RBM20: variants seen among roughly 807,000 people sequenced by gnomAD.
RBM20 encodes RNA binding motif protein 20.
RBM20 carries 51 observed loss-of-function variants against 110.1 expected under a neutral mutation model. The observed-to-expected ratio is 0.46, with a 90% CI of 0.37 to 0.59. The LOEUF (loss-of-function observed/expected upper bound fraction) is 0.59, where lower values mean the gene tolerates loss of function less well. Ranked by LOEUF, RBM20 falls within the 20% of genes least tolerant of loss-of-function variation. RBM20 has a pLI of 0.00. For missense variants in RBM20, 1,512 were observed against 1,574.9 expected (o/e 0.96, Z 0.68); for synonymous variants, 589 against 618.2 (o/e 0.95, Z 0.70).
At position 110,680,117 on chromosome 10, in the gene RBM20, G is replaced by A. The variant is rs185803601; in HGVS notation, c.191+35472G>A. ...GTGAGTGGTGGCATTAGAGCCGGGA[G>A]CCGGGCACCTGTTGTCATGCAGGCT... On this transcript the variant is annotated intron_variant, in intron 1 of 13. Transcript: ENST00000369519. Among the ~76,000 whole-genome samples, 49 of 152,274 alleles carry A rather than the reference G, an allele frequency of 3.2e-4. 1 individual carries two copies. Among genetic ancestry groups the A allele is most frequent in the African/African-American group, 8.9e-4 (37 of 41,562 alleles).
At chr10:110,656,466 ATG>A (rs35325396) in intron 1 of RBM20, among the ~76,000 whole-genome samples, 25,406 of 147,898 alleles carry the variant, frequency 0.17, 3,453 homozygotes, top group African/African-American at 0.34. Context: ...GTATGTACTC[ATG>A]TGTGTGTGTG....
At chr10:110,655,749 A>G (rs1301109357) in intron 1 of RBM20, among the ~76,000 whole-genome samples, 2 of 152,238 alleles carry the variant, frequency 1.3e-5, no homozygotes, top group African/African-American at 4.8e-5. Flanking sequence ...ACTGAACAGA[A>G]TCCATAAACT....
At chr10:110,690,678 C>T (rs146024464) in intron 1 of RBM20, among the ~76,000 whole-genome samples, 212 of 152,256 alleles carry the variant, frequency 1.4e-3, no homozygotes, top group African/African-American at 4.7e-3. Flanking sequence ...CATTTAGCAT[C>T]GTGTTTTCAA....
At chr10:110,730,429 C>G (rs1232541056) in intron 1 of RBM20, among the ~76,000 whole-genome samples, 3 of 152,226 alleles carry the variant, frequency 2.0e-5, no homozygotes, top group African/African-American at 7.2e-5. Context: ...TGCCCCTCCC[C>G]CTTTCACAGG....
chr10:110,761,759 C>T (rs779814212), intron 1 of RBM20, among the ~76,000 whole-genome samples: 5 of 152,224 alleles, frequency 3.3e-5, no homozygotes, highest in Admixed American at 6.5e-5. Context: ...GACATGTCCC[C>T]GGCATGGAGG....
At chr10:110,778,578 A>G (rs1009254139) in intron 1 of RBM20, among the ~76,000 whole-genome samples, 3 of 152,150 alleles carry the variant, frequency 2.0e-5, no homozygotes, top group Non-Finnish European at 4.4e-5. Flanking sequence ...TCTACCCTGT[A>G]CTGCCTAAGC....
rs376435678 is a variant in RBM20, at chr10:110,826,164, C to T, written c.3451+2550C>T. On this transcript the variant is annotated intron_variant, in intron 12 of 13. Transcript: ENST00000369519. ...ACCTTGAGTGAGAGTTCCCAATATC[C>T]ACCTCCCATTGGATTTTATCAGTTT... 7.9e-4 allele frequency among the ~76,000 whole-genome samples: 121 copies of T among 152,262 alleles called. 1 individual carries two copies. The South Asian group carries it at 0.025, about 31-fold the overall frequency.
intron 9 of RBM20, among the ~76,000 whole-genome samples, chr10:110,819,868 T>G (rs1844885884): frequency 6.6e-6 from 1 of 152,228 alleles, no homozygotes; most frequent in African/African-American, 2.4e-5. Flanking sequence ...AGCAAATTAC[T>G]TAACCTCTCT....
chr10:110,800,506 C>T (rs1483104046), intron 7 of RBM20, among the ~76,000 whole-genome samples: 2 of 152,144 alleles, frequency 1.3e-5, no homozygotes, highest in African/African-American at 4.8e-5. Context: ...TATAACAGAA[C>T]ACACAGAAAA....
chr10:110,775,644 A>T (rs1289368382), intron 1 of RBM20, among the ~76,000 whole-genome samples: 1 of 152,070 alleles, frequency 6.6e-6, no homozygotes, highest in Non-Finnish European at 1.5e-5. Flanking sequence ...TCTCCCTATG[A>T]TGATGATAGT....
chr10:110,683,970 A>G (rs1022845985), intron 1 of RBM20, among the ~76,000 whole-genome samples: 2 of 152,240 alleles, frequency 1.3e-5, no homozygotes, highest in Non-Finnish European at 2.9e-5. Flanking sequence ...ACAGAGTTGT[A>G]TGCCTCACTC....
At chr10:110,726,654 C>G (rs933696867) in intron 1 of RBM20, among the ~76,000 whole-genome samples, 20 of 152,214 alleles carry the variant, frequency 1.3e-4, no homozygotes, top group Non-Finnish European at 2.1e-4. Context: ...TTGGGGTCCT[C>G]AAAACCACTT....
At chr10:110,756,802 T>A (rs1481936209) in intron 1 of RBM20, 1 of 152,244 alleles carries the variant, frequency 6.6e-6, no homozygotes, top group African/African-American at 2.4e-5. Flanking sequence ...AATCATTTCA[T>A]AATGGATACT....
At chr10:110,793,120 G>A (rs915855454) in intron 5 of RBM20, among the ~76,000 whole-genome samples, 4 of 152,114 alleles carry the variant, frequency 2.6e-5, no homozygotes, top group East Asian at 3.8e-4. Context: ...CATCTCCCTC[G>A]TTCCAGACGT....
At chr10:110,829,077 C>T (rs143372342) in intron 12 of RBM20, among the ~76,000 whole-genome samples, 1 of 152,192 alleles carries the variant, frequency 6.6e-6, no homozygotes, top group Non-Finnish European at 1.5e-5. Flanking sequence ...TGGTACCACC[C>T]AGCTGGTTCA....
At chr10:110,791,487 G>T (rs1211562070) in intron 5 of RBM20, among the ~76,000 whole-genome samples, 1 of 151,254 alleles carries the variant, frequency 6.6e-6, no homozygotes, top group Admixed American at 6.6e-5. Flanking sequence ...CCTCTTATTT[G>T]AACTCGGGCC....
chr10:110,701,966 G>A (rs1401176053), intron 1 of RBM20, among the ~76,000 whole-genome samples: 1 of 152,216 alleles, frequency 6.6e-6, no homozygotes, highest in African/African-American at 2.4e-5. Flanking sequence ...GCAGGACTTT[G>A]GGAGCTGGGA....
intron 11 of RBM20, among the ~76,000 whole-genome samples, 170 bp from the exon 12 acceptor site, chr10:110,823,310 G>A (rs1844938201): frequency 6.6e-6 from 1 of 152,090 alleles, no homozygotes; most frequent in South Asian, 2.1e-4. Flanking sequence ...TAATGACAGT[G>A]CTTTGGTTCT....
chr10:110,759,567 A>C (rs980041977), intron 1 of RBM20, among the ~76,000 whole-genome samples: 1 of 152,178 alleles, frequency 6.6e-6, no homozygotes, highest in Non-Finnish European at 1.5e-5. Context: ...CCTGGGCAAG[A>C]ATTGGGCTAT....
Sources: allele counts gnomAD v4.1 joint callset (sites outside exome capture counted in the v4.1 genomes callset), GRCh38; gene constraint gnomAD v4.1.1; transcripts MANE v1.5; gene names NCBI Gene and HGNC (gene_info 2026-07-23, HGNC 2026-07-21).